RECQL5: variants seen among roughly 807,000 people sequenced by gnomAD.
RECQL5 encodes ATP-dependent DNA helicase Q5.
Under a neutral mutation model 103.4 loss-of-function variants are expected in RECQL5, and 88 were observed. The ratio of observed to expected loss-of-function variants is 0.85; its 90% CI spans 0.72 to 1.02. The LOEUF is 1.02. Among genes scored for constraint, RECQL5 ranks in the 50% least tolerant of loss-of-function variants. The pLI is 0.00. For synonymous variants in RECQL5, 552 were observed against 507.9 expected (o/e 1.09, Z -1.17); for missense variants, 1,232 against 1,284.3 (o/e 0.96, Z 0.62).
intron 19 of RECQL5, 46 bp downstream of exon 19, chr17:75,627,577 A>C: frequency 6.2e-7 from 1 of 1,613,170 alleles, no homozygotes; most frequent in African/African-American, 1.3e-5. Flanking sequence ...CTCCCTGTAG[A>C]CCACCCTCCC....
chr17:75,642,862 C>G (rs1217391787), intron 8 of RECQL5, among the ~76,000 whole-genome samples: 1 of 152,232 alleles, frequency 6.6e-6, no homozygotes, highest in Non-Finnish European at 1.5e-5. Context: ...GCAGGGCCTG[C>G]TTGAGTCCAG....
intron 8 of RECQL5, chr17:75,638,061 G>C (rs963655162): frequency 2.6e-5 from 4 of 152,142 alleles, no homozygotes; most frequent in Non-Finnish European, 5.9e-5. Context: ...CCACAGAAAC[G>C]CACTCACTCC....
chr17:75,630,359 G>T, intron 13 of RECQL5, 82 bp from the exon 14 acceptor site: 1 of 1,268,296 alleles, frequency 7.9e-7, no homozygotes, highest in South Asian at 1.5e-5. Context: ...CTCCAGGCCT[G>T]GTGGGGTAGG....
rs548766428 is a variant in RECQL5 at position 75,648,440 on chromosome 17, C to A, written c.1229+2746G>T. 2.1e-3 allele frequency among the ~76,000 whole-genome samples: 320 copies of A among 152,226 alleles called. 1 individual carries two copies. The highest frequency in any genetic ancestry group is 7.1e-3 in the African/African-American group (296 of 41,528). On this transcript the variant is annotated intron_variant, in intron 8 of 19. Coordinates refer to ENST00000317905, the MANE Select transcript of RECQL5 (RefSeq NM_004259.7). The stretch of plus-strand genomic sequence containing the variant: ...CCAGGCTAGAGTGCGGTGGCGCTAT[C>A]TGGGCTCACTGCAAACTCCACCTCC...
At position 75,667,136 on chromosome 17, in the gene RECQL5, G is replaced by A. The variant is rs529012266; in HGVS notation, c.-107C>T. The A allele has an allele frequency of 1.1e-5, 6 of 545,266 alleles. No individual in the cohort carries two copies. Among genetic ancestry groups the A allele is most frequent in the South Asian group, 4.1e-5 (2 of 48,438 alleles). 33.8% of individuals were successfully genotyped at this position (545,266 alleles called of 1,614,324 possible). A position where few individuals can be genotyped will look rare whatever the true frequency, so the allele number is the denominator to read the frequency against. On this transcript the variant is annotated 5_prime_UTR_variant, in exon 1 of 20. Transcript: ENST00000317905. ...CTATACACAACCCCAACTCAGAGAAGCCAAAGCGCTGGGAATTCAGCTTTA... is the reference window on the plus strand; with the variant it reads ...CTATACACAACCCCAACTCAGAGAAACCAAAGCGCTGGGAATTCAGCTTTA...
rs2059404266 is a variant in RECQL5, at chr17:75,640,033, A to G, written c.1230-8365T>C. 7.4e-6 allele frequency: 7 copies of G among 950,178 alleles called. No homozygotes were observed. The East Asian group carries it at 2.0e-4, about 27-fold the overall frequency. The allele number at this position is 950,178 out of a possible 1,614,324, so 58.9% of individuals were successfully genotyped here. A position where few individuals can be genotyped will look rare whatever the true frequency, so the allele number is the denominator to read the frequency against. On this transcript the variant is annotated intron_variant, in intron 8 of 19. Transcript: ENST00000317905. The surrounding 1 kb of genome is among the most constrained non-coding windows in gnomAD (Gnocchi z 4.6). ...TGAGGGCCACCACTAGGTGGAAGTC[A>G]CCAGGGGTGCAATGTGTGAGACCTG...
chr17:75,662,186 C>A (rs2059708683), intron 4 of RECQL5, among the ~76,000 whole-genome samples: 1 of 152,102 alleles, frequency 6.6e-6, no homozygotes. Flanking sequence ...CCAAAAGCTG[C>A]TCAAAACTCA....
rs765709208 is a variant in RECQL5 at position 75,629,834 on chromosome 17, A to G, written c.1821T>C (p.Asp607=). 8 of 1,607,778 alleles carry G rather than the reference A, an allele frequency of 5.0e-6. No homozygotes were observed. The change falls in exon 15 of 20, where the codon GAT becomes GAC. Residue 607 remains aspartate, a synonymous_variant. Coordinates refer to ENST00000317905, the MANE Select transcript of RECQL5 (RefSeq NM_004259.7). ...GCCCATCCTTGGAGGCTCTGTGGAT[A>G]TCGGCCACCTGGGCAGGGATAGGCA... ...YKASVLKKVA[D]IHRASKDGQP... is the part of the protein sequence containing the mutation.
chr17:75,642,517 C>T (rs2059446184), intron 8 of RECQL5, among the ~76,000 whole-genome samples: 1 of 152,178 alleles, frequency 6.6e-6, no homozygotes, highest in Admixed American at 6.5e-5. Context: ...ACTTGTCTGA[C>T]AGGTTTAGGT....
Position 75,631,014 on chromosome 17 carries a change from GAGGACAACATGA to G in RECQL5, c.1549-16_1549-5del. ...CTTCTATCTTGGGGTCTTTGCCCTG[GAGGACAACATGA>G]AGGACCCATGAGGCGTCCTGCCCTG... On this transcript the variant is annotated splice_polypyrimidine_tract_variant and splice_region_variant and intron_variant, in intron 10 of 19. Coordinates refer to ENST00000317905, the MANE Select transcript of RECQL5 (RefSeq NM_004259.7). 6.2e-7 allele frequency: 1 copy of G among 1,613,756 alleles called. No individual in the cohort carries two copies. Among genetic ancestry groups the G allele is most frequent in the Non-Finnish European group, 8.5e-7 (1 of 1,179,962 alleles).
intron 8 of RECQL5, chr17:75,638,073 G>C (rs2059361034): frequency 6.6e-6 from 1 of 152,210 alleles, no homozygotes; most frequent in South Asian, 2.1e-4. Context: ...ACTCACTCCA[G>C]GTGAGGTGTG....
At chr17:75,630,094 G>T in intron 14 of RECQL5, 90 bp downstream of exon 14, 1 of 1,191,442 alleles carries the variant, frequency 8.4e-7, no homozygotes, top group Non-Finnish European at 1.2e-6. Context: ...GTTCTGGGCT[G>T]CCTGAGCCCA....
At position 75,628,653 on chromosome 17, in the gene RECQL5, G is replaced by A. The variant is rs1466118347; in HGVS notation, c.2580+19C>T. On this transcript the variant is annotated intron_variant, in intron 17 of 19. Transcript: ENST00000317905. The stretch of plus-strand genomic sequence containing the variant: ...CACAGCCCTTCTCTCCTCCCCAACA[G>A]ACTCATCCCTGCCGGCACCTGCTGG... 3 of 1,577,502 alleles carry A rather than the reference G, an allele frequency of 1.9e-6. No individual in the cohort carries two copies. In the Admixed American group the frequency reaches 6.0e-5, roughly 31 times the overall value.
rs140565320 is a variant in RECQL5, at chr17:75,628,273, T to G, written c.2750A>C (p.Asn917Thr). The G allele has an allele frequency of 3.0e-3, 4,820 of 1,614,090 alleles. 11 individuals carry two copies. The highest frequency in any genetic ancestry group is 3.4e-3 in the Non-Finnish European group (3,990 of 1,179,998). Reference sequence around the variant, plus strand: ...AGGGGTGAGGCACTTGACCACAACATTTGCAGCCTCCTTCAAGGAGACGCC... The same window carrying G: ...AGGGGTGAGGCACTTGACCACAACAGTTGCAGCCTCCTTCAAGGAGACGCC... ...APGVSLKEAANVVVKCLTPFY... is the reference protein window; with the variant it reads ...APGVSLKEAATVVVKCLTPFY... The change falls in exon 18 of 20, where the codon AAT becomes ACT. Residue 917 changes from asparagine (N) to threonine (T), a missense_variant. Coordinates refer to ENST00000317905, the MANE Select transcript of RECQL5 (RefSeq NM_004259.7).
intron 8 of RECQL5, chr17:75,650,055 G>T: frequency 1.0e-6 from 1 of 985,606 alleles, no homozygotes; most frequent in Non-Finnish European, 1.2e-6. Flanking sequence ...CAGCAAACAG[G>T]ACTCACAATG....
At chr17:75,627,562 G>A in intron 19 of RECQL5, 40 bp from the exon 20 acceptor site, 1 of 1,608,044 alleles carries the variant, frequency 6.2e-7, no homozygotes, top group South Asian at 1.1e-5. Context: ...GTGAGCGTTA[G>A]CCTCCTCCCT....
At chr17:75,651,362 C>T (rs1202547653) in intron 7 of RECQL5, 97 bp from the exon 8 acceptor site, 1 of 1,405,378 alleles carries the variant, frequency 7.1e-7, no homozygotes, top group East Asian at 2.3e-5. Context: ...TGGCTCACGG[C>T]TGTAATCCCA....
At position 75,628,930 on chromosome 17, in the gene RECQL5, T is replaced by C. The variant is rs1428871203; in HGVS notation, c.2489+4A>G. ...GAAGATTCTATGACTACCTGTACCC[T>C]TACCTTGGCCTCTCCCTGAGGCACT... On this transcript the variant is annotated splice_donor_region_variant and intron_variant, in intron 16 of 19. Transcript: ENST00000317905. The C allele has an allele frequency of 7.6e-6, 12 of 1,576,840 alleles. No individual in the cohort carries two copies.
chr17:75,640,020 C>T lies in RECQL5; in HGVS notation c.1230-8352G>A, dbSNP rs1246482749. 3.7e-6 allele frequency: 3 copies of T among 813,890 alleles called. No individual in the cohort carries two copies. Among genetic ancestry groups the T allele is most frequent in the Non-Finnish European group, 5.5e-6 (3 of 545,286 alleles). 50.4% of individuals were successfully genotyped at this position (813,890 alleles called of 1,614,324 possible). ...GCTGGGTGGGGACTGAGGGCCACCA[C>T]TAGGTGGAAGTCACCAGGGGTGCAA... On this transcript the variant is annotated intron_variant, in intron 8 of 19. Coordinates refer to ENST00000317905, the MANE Select transcript of RECQL5 (RefSeq NM_004259.7). This position sits in a 1 kb window ranked among gnomAD's most constrained non-coding sequence, Gnocchi z 4.6.
Sources: allele counts gnomAD v4.1 joint callset (sites outside exome capture counted in the v4.1 genomes callset), GRCh38; gene constraint gnomAD v4.1.1; non-coding constraint Gnocchi (gnomAD v3.1); transcripts MANE v1.5; gene names NCBI Gene and HGNC (gene_info 2026-07-23, HGNC 2026-07-21).